SGCZ: variants seen among roughly 807,000 people sequenced by gnomAD.
SGCZ encodes the protein zeta-sarcoglycan.
A neutral mutation model predicts 41.3 loss-of-function variants in SGCZ; 40 were observed. The ratio of observed to expected loss-of-function variants is 0.97; its 90% CI spans 0.75 to 1.26. The LOEUF is 1.26. Among genes scored for constraint, SGCZ ranks in the 50% most tolerant of loss-of-function variants. The probability of loss-of-function intolerance (pLI) is 0.00; values close to 1 mark genes in which losing one functional copy is unlikely to be tolerated. For synonymous variants in SGCZ, 206 were observed against 137.5 expected (o/e 1.50, Z -3.49); for missense variants, 552 against 369.8 (o/e 1.49, Z -4.04).
chr8:14,410,404 A>AAC (rs988516560), intron 2 of SGCZ, among the ~76,000 whole-genome samples: 1 of 151,864 alleles, frequency 6.6e-6, no homozygotes, highest in East Asian at 1.9e-4. Context: ...ATTTAAGAAA[A>AAC]AAAAAAACAG....
chr8:14,777,898 CAAAAA>C (rs200331185), intron 1 of SGCZ, among the ~76,000 whole-genome samples: 1 of 119,242 alleles, frequency 8.4e-6, no homozygotes, highest in African/African-American at 2.9e-5. Context: ...AAATTATTTC[CAAAAA>C]AAAAAAAAAA....
chr8:15,172,100 T>C (rs1799848942), intron 1 of SGCZ, among the ~76,000 whole-genome samples: 1 of 149,978 alleles, frequency 6.7e-6, no homozygotes, highest in South Asian at 2.1e-4. Flanking sequence ...AAAATAGAAC[T>C]ATTCAACATT....
chr8:14,234,679 A>T (rs977997058), intron 4 of SGCZ, among the ~76,000 whole-genome samples: 4 of 152,130 alleles, frequency 2.6e-5, no homozygotes, highest in African/African-American at 9.6e-5. Context: ...AAAGAATAAG[A>T]AAAGAAATAG....
intron 1 of SGCZ, among the ~76,000 whole-genome samples, chr8:15,092,882 G>T (rs994209258): frequency 6.6e-6 from 1 of 152,144 alleles, no homozygotes; most frequent in African/African-American, 2.4e-5. Flanking sequence ...AAAACTATTT[G>T]CTAATACTAC....
intron 2 of SGCZ, among the ~76,000 whole-genome samples, chr8:14,350,586 G>A (rs1260066475): frequency 6.6e-6 from 1 of 152,042 alleles, no homozygotes; most frequent in African/African-American, 2.4e-5. Flanking sequence ...ATACAGAGGT[G>A]TAAGGTTCTG....
intron 1 of SGCZ, among the ~76,000 whole-genome samples, chr8:14,936,756 A>G (rs1800097164): frequency 6.6e-6 from 1 of 152,044 alleles, no homozygotes; most frequent in Admixed American, 6.5e-5. Flanking sequence ...AATACAAACA[A>G]TGTCAGTGTT....
At chr8:14,463,439 C>T (rs1008154802) in intron 2 of SGCZ, among the ~76,000 whole-genome samples, 3 of 146,042 alleles carry the variant, frequency 2.1e-5, no homozygotes, top group Non-Finnish European at 4.5e-5. Context: ...TATCCACATG[C>T]AAAAGAATGA....
rs185286329 is a variant in SGCZ at position 14,342,791 on chromosome 8, T to G, written c.235-18587A>C. On this transcript the variant is annotated intron_variant, in intron 2 of 7. Transcript: ENST00000382080. Reference sequence around the variant, plus strand: ...AAAATTCAAGCCGGCTGCAGAAATTTGCATAAGTAGCAAGGAACCTAGTGT... The same window carrying G: ...AAAATTCAAGCCGGCTGCAGAAATTGGCATAAGTAGCAAGGAACCTAGTGT... Among the ~76,000 whole-genome samples the G allele has an allele frequency of 1.6e-3, 247 of 152,350 alleles. 1 individual carries two copies. The highest frequency in any genetic ancestry group is 5.8e-3 in the African/African-American group (242 of 41,578).
chr8:14,233,604 A>G (rs1806650755), intron 4 of SGCZ, among the ~76,000 whole-genome samples: 2 of 135,506 alleles, frequency 1.5e-5, no homozygotes, highest in Admixed American at 1.5e-4. Flanking sequence ...ATAGATATAT[A>G]TATATATTCT....
chr8:14,523,510 G>A (rs557386703), intron 2 of SGCZ, among the ~76,000 whole-genome samples: 9 of 152,054 alleles, frequency 5.9e-5, no homozygotes, highest in East Asian at 1.9e-4. Flanking sequence ...TGGTCGTGAC[G>A]GTTTCTGGTG....
intron 1 of SGCZ, among the ~76,000 whole-genome samples, chr8:15,233,547 A>T (rs1209578768): frequency 6.6e-6 from 1 of 151,884 alleles, no homozygotes; most frequent in Admixed American, 6.6e-5. Context: ...TTATTTAGGG[A>T]AGGTTTTTCC....
intron 1 of SGCZ, among the ~76,000 whole-genome samples, chr8:15,095,193 G>C (rs540328548): frequency 3.7e-4 from 56 of 152,144 alleles, no homozygotes; most frequent in African/African-American, 1.3e-3. Context: ...CCATCTCCCG[G>C]GTTCAAGCGA....
chr8:14,793,286 T>G (rs1466337558), intron 1 of SGCZ, among the ~76,000 whole-genome samples: 1 of 152,218 alleles, frequency 6.6e-6, no homozygotes, highest in Non-Finnish European at 1.5e-5. Flanking sequence ...TTGTAACAGA[T>G]GTCCCTGCTT....
intron 2 of SGCZ, among the ~76,000 whole-genome samples, chr8:14,550,857 T>C (rs1239359387): frequency 1.3e-5 from 2 of 152,058 alleles, no homozygotes; most frequent in Admixed American, 6.6e-5. Context: ...TCTCTTGTAA[T>C]GTACAGATAG....
At chr8:14,268,220 AAT>A (rs1799941684) in intron 3 of SGCZ, among the ~76,000 whole-genome samples, 2 of 149,004 alleles carry the variant, frequency 1.3e-5, no homozygotes, top group Non-Finnish European at 3.0e-5. Flanking sequence ...ATTATATATA[AAT>A]ATATATATGT....
intron 4 of SGCZ, among the ~76,000 whole-genome samples, chr8:14,211,980 G>A (rs1205730009): frequency 6.6e-6 from 1 of 152,150 alleles, no homozygotes; most frequent in Admixed American, 6.5e-5. Flanking sequence ...GTGGAAGAAT[G>A]GGAACCCCTT....
At chr8:14,298,373 A>G (rs940316597) in intron 3 of SGCZ, among the ~76,000 whole-genome samples, 1 of 152,018 alleles carries the variant, frequency 6.6e-6, no homozygotes, top group African/African-American at 2.4e-5. Context: ...AAAGAAGAAT[A>G]AAATACATAA....
chr8:14,483,431 C>G (rs1801588210), intron 2 of SGCZ, among the ~76,000 whole-genome samples: 1 of 152,080 alleles, frequency 6.6e-6, no homozygotes, highest in African/African-American at 2.4e-5. Context: ...ATTAGCTGGG[C>G]ATGGTGGTAC....
At chr8:14,954,362 T>G (rs1028006709) in intron 1 of SGCZ, among the ~76,000 whole-genome samples, 1 of 152,168 alleles carries the variant, frequency 6.6e-6, no homozygotes, top group African/African-American at 2.4e-5. Context: ...TCTATCTGCC[T>G]TCACATCCAC....
Sources: gnomAD v4.1 joint callset for allele counts (sites outside exome capture counted in the v4.1 genomes callset) on GRCh38, gnomAD v4.1.1 for gene constraint, MANE v1.5 for transcripts, NCBI Gene and HGNC (gene_info 2026-07-23, HGNC 2026-07-21) for gene names.